TGFBI: variants seen among roughly 807,000 people sequenced by gnomAD.
TGFBI encodes transforming growth factor-beta-induced protein ig-h3.
A neutral mutation model predicts 73.7 loss-of-function variants in TGFBI; 50 were observed. The observed-to-expected ratio is 0.68, with a 90% CI of 0.54 to 0.86. The LOEUF (loss-of-function observed/expected upper bound fraction) is 0.86. TGFBI is among the 40% of genes least tolerant of loss of function. The pLI, the probability that TGFBI is intolerant of heterozygous loss-of-function variation, is 0.00. For synonymous variants in TGFBI, 362 were observed against 360.5 expected, an observed-to-expected ratio of 1.00 and a Z score of -0.05; for missense variants, 839 against 877.0, an observed-to-expected ratio of 0.96 and a Z score of 0.55.
chr5:136,046,089 T>C (rs934295165), intron 3 of TGFBI: 4 of 411,944 alleles, frequency 9.7e-6, no homozygotes, highest in African/African-American at 2.0e-5. Flanking sequence ...TGCTCTGCTG[T>C]GTTTAAAATG....
chr5:136,031,434 G>T (rs559704204), intron 1 of TGFBI, among the ~76,000 whole-genome samples: 9 of 152,368 alleles, frequency 5.9e-5, no homozygotes, highest in African/African-American at 2.2e-4. Context: ...TTGCTTGTGC[G>T]CAGCACTCGA....
Position 136,033,821 on chromosome 5 carries a change from T to A in TGFBI, c.193T>A (p.Cys65Ser). Residue 65 changes from cysteine to serine, a missense_variant, in exon 2 of 17, where the codon TGC becomes AGC. Cys to Ser is a moderately radical substitution (Grantham distance 112). Coordinates refer to ENST00000442011, the MANE Select transcript of TGFBI (RefSeq NM_000358.3). ...IGTNRKYFTNCKQWYQRKICG... is the reference protein window; with the variant it reads ...IGTNRKYFTNSKQWYQRKICG... ...CACTAATAGGAAGTACTTCACCAACTGCAAGCAGTGGTACCAAAGGAAAAT... is the reference window on the plus strand; with the variant it reads ...CACTAATAGGAAGTACTTCACCAACAGCAAGCAGTGGTACCAAAGGAAAAT... The A allele has an allele frequency of 6.2e-7, 1 of 1,613,924 alleles. No homozygotes were observed. The highest frequency in any genetic ancestry group is 8.5e-7 in the Non-Finnish European group (1 of 1,179,858).
At chr5:136,050,559 A>G (rs898260128) in intron 7 of TGFBI, among the ~76,000 whole-genome samples, 5 of 152,172 alleles carry the variant, frequency 3.3e-5, no homozygotes, top group Non-Finnish European at 7.3e-5. Context: ...GACCTCTGAA[A>G]GGCCATGAGC....
At position 136,033,748 on chromosome 5, in the gene TGFBI, T is replaced by C; in HGVS notation, c.135-15T>C. 6.2e-7 allele frequency: 1 copy of C among 1,611,734 alleles called. No homozygotes were observed. The highest frequency in any genetic ancestry group is 8.5e-7 in the Non-Finnish European group (1 of 1,177,980). ...GTGCTGATCATCTTCCTAATTCTGCTGCTTTTGTTTTCAGCCCCAACGTGT... is the reference window on the plus strand; with the variant it reads ...GTGCTGATCATCTTCCTAATTCTGCCGCTTTTGTTTTCAGCCCCAACGTGT... On this transcript the variant is annotated splice_polypyrimidine_tract_variant and intron_variant, in intron 1 of 16. Coordinates refer to ENST00000442011, the MANE Select transcript of TGFBI (RefSeq NM_000358.3).
intron 2 of TGFBI, 83 bp downstream of exon 2, chr5:136,033,944 G>A: frequency 8.4e-7 from 1 of 1,185,804 alleles, no homozygotes; most frequent in Non-Finnish European, 1.2e-6. Flanking sequence ...CCTTCTAGAA[G>A]GTCAGGTTGC....
chr5:136,056,999 C>T (rs767902954), intron 12 of TGFBI, among the ~76,000 whole-genome samples: 3 of 152,144 alleles, frequency 2.0e-5, no homozygotes, highest in Non-Finnish European at 4.4e-5. Context: ...TTTACTACCC[C>T]TAGGCCTGGG....
At position 136,047,097 on chromosome 5, in the gene TGFBI, G is replaced by A. The variant is rs1751443178; in HGVS notation, c.624+82G>A. ...TTCCATGTGTGGGCTGGTTTCTGGG[G>A]TTTAAGCTGTAGACAACCCACCCTC... is the stretch of plus-strand genomic sequence containing the variant. On this transcript the variant is annotated intron_variant, in intron 5 of 16. Transcript: ENST00000442011. 3.8e-6 allele frequency: 6 copies of A among 1,565,724 alleles called. No individual in the cohort carries two copies. In the South Asian group the frequency reaches 5.8e-5, roughly 15 times the overall value.
chr5:136,033,640 G>A (rs1043180734), intron 1 of TGFBI, 123 bp from the exon 2 acceptor site: 3 of 762,518 alleles, frequency 3.9e-6, no homozygotes, highest in East Asian at 5.4e-5. Context: ...TACCAAGACT[G>A]AAATGACTCT....
At chr5:136,036,667 G>T (rs1480220756) in intron 2 of TGFBI, among the ~76,000 whole-genome samples, 1 of 152,162 alleles carries the variant, frequency 6.6e-6, no homozygotes, top group African/African-American at 2.4e-5. Context: ...GACTGTGCTG[G>T]CTGGAGTTGA....
At chr5:136,035,300 A>C (rs1023775892) in intron 2 of TGFBI, among the ~76,000 whole-genome samples, 1 of 152,134 alleles carries the variant, frequency 6.6e-6, no homozygotes, top group African/African-American at 2.4e-5. Flanking sequence ...TACACCACCC[A>C]TTCTTCCAGG....
chr5:136,036,006 T>C (rs1050390326), intron 2 of TGFBI, among the ~76,000 whole-genome samples: 1 of 152,220 alleles, frequency 6.6e-6, no homozygotes, highest in Non-Finnish European at 1.5e-5. Flanking sequence ...CTGAGAATAC[T>C]GTCAGTGATG....
chr5:136,033,965 A>G, intron 2 of TGFBI, 104 bp downstream of exon 2: 2 of 909,214 alleles, frequency 2.2e-6, no homozygotes, highest in African/African-American at 1.6e-5. Context: ...CTAAAAAGCC[A>G]TGAAGATGCA....
intron 16 of TGFBI, 128 bp downstream of exon 16, chr5:136,062,815 G>A (rs530027556): frequency 9.7e-7 from 1 of 1,033,662 alleles, no homozygotes; most frequent in African/African-American, 1.6e-5. Context: ...CTGGCCTTTG[G>A]AGTCAGAACA....
intron 1 of TGFBI, among the ~76,000 whole-genome samples, chr5:136,032,702 C>T (rs898529279): frequency 2.0e-5 from 3 of 152,144 alleles, no homozygotes; most frequent in South Asian, 4.1e-4. Flanking sequence ...CAGATGCATG[C>T]CTGCCTCTGG....
intron 15 of TGFBI, 24 bp downstream of exon 15, chr5:136,061,603 C>T (rs770896626): frequency 6.2e-7 from 1 of 1,606,724 alleles, no homozygotes; most frequent in Non-Finnish European, 8.5e-7. Flanking sequence ...TAGGTTTGCG[C>T]CTAGCCTGAG....
At chr5:136,037,448 GCCTCTCGACAGGCTT>G (rs964050063) in intron 2 of TGFBI, among the ~76,000 whole-genome samples, 1 of 152,154 alleles carries the variant, frequency 6.6e-6, no homozygotes, top group Non-Finnish European at 1.5e-5. Flanking sequence ...AAGCCTGGCT[GCCTCTCGACAGGCTT>G]CCTTTGTGCT....
At chr5:136,036,245 G>C (rs1751218618) in intron 2 of TGFBI, among the ~76,000 whole-genome samples, 1 of 152,192 alleles carries the variant, frequency 6.6e-6, no homozygotes, top group African/African-American at 2.4e-5. Context: ...GGGGTTCAGA[G>C]TGGACTCAGG....
chr5:136,040,946 G>A (rs1328339158), intron 2 of TGFBI, among the ~76,000 whole-genome samples: 1 of 152,242 alleles, frequency 6.6e-6, no homozygotes, highest in Non-Finnish European at 1.5e-5. Context: ...ACTGAGCTGA[G>A]TATAAGGAGA....
At chr5:136,030,836 C>T (rs998449541) in intron 1 of TGFBI, among the ~76,000 whole-genome samples, 1 of 152,176 alleles carries the variant, frequency 6.6e-6, no homozygotes, top group African/African-American at 2.4e-5. Flanking sequence ...TGCCCTGCAA[C>T]AGTGTCACCT....
Sources: gnomAD v4.1 joint callset for allele counts (sites outside exome capture counted in the v4.1 genomes callset) on GRCh38, gnomAD v4.1.1 for gene constraint, MANE v1.5 for transcripts, NCBI Gene and HGNC (gene_info 2026-07-23, HGNC 2026-07-21) for gene names.